ABRAXAS2: variants seen among roughly 807,000 people sequenced by gnomAD.
ABRAXAS2 encodes abraxas 2, BRISC complex subunit.
ABRAXAS2 carries 23 observed loss-of-function variants against 49.0 expected under a neutral mutation model. The observed-to-expected ratio is 0.47, with a 90% CI of 0.34 to 0.66. ABRAXAS2 has a LOEUF of 0.66. Ranked by LOEUF, ABRAXAS2 falls within the 30% of genes least tolerant of loss-of-function variation. The pLI is 0.01. For synonymous variants in ABRAXAS2, 168 were observed against 180.2 expected (o/e 0.93, Z 0.54); for missense variants, 443 against 511.9 (o/e 0.87, Z 1.30).
At position 124,805,633 on chromosome 10, in the gene ABRAXAS2, T is replaced by C. The variant is rs867082107; in HGVS notation, c.73-1198T>C. On this transcript the variant is annotated intron_variant, in intron 1 of 8. Transcript: ENST00000298492. ...AAGGGATAATAAATGTATTTATTTA[T>C]AAATATGTAATATGATGGATAGTGA... 2.0e-5 allele frequency among the ~76,000 whole-genome samples: 3 copies of C among 152,174 alleles called. No homozygotes were observed. In the South Asian group the frequency reaches 6.2e-4, roughly 31 times the overall value.
rs759457870 is a variant in ABRAXAS2, at chr10:124,834,751, CT to C, written c.1030del (p.Ser344ProfsTer6). ...RPQAVGSSNYASTSAGLKYPG... is the reference protein window; with the variant it reads ...RPQAVGSSNYXSTSAGLKYPG... ...CAAGCTGTGGGCTCTTCCAATTATG[CT>C]TCCACCAGTGCCGGACTGAAGTATC... On this transcript the variant is annotated frameshift_variant, in exon 9 of 9. Coordinates refer to ENST00000298492, the MANE Select transcript of ABRAXAS2 (RefSeq NM_032182.4). LOFTEE classifies it high-confidence loss of function. The C allele has an allele frequency of 6.2e-7, 1 of 1,614,130 alleles. No individual in the cohort carries two copies. The highest frequency in any genetic ancestry group is 1.7e-5 in the Admixed American group (1 of 60,014).
rs1950706702 is a variant in ABRAXAS2, at chr10:124,801,845, T to G, written c.16T>G (p.Ser6Ala). 1.9e-6 allele frequency: 3 copies of G among 1,613,218 alleles called. No individual in the cohort carries two copies. Among genetic ancestry groups the G allele is most frequent in the Middle Eastern group, 1.6e-4 (1 of 6,080 alleles). The change falls in exon 1 of 9, where the codon TCG becomes GCG. Residue 6 changes from serine to alanine, a missense_variant. Ser to Ala is a moderately conservative substitution (Grantham distance 99). This residue lies in a region of ABRAXAS2 where 47 missense variants were observed against 27.6 expected (regional missense o/e 1.70). Transcript: ENST00000298492. ...GATTTCCATCATGGCGGCGTCCATT[T>G]CGGGCTACACCTTCAGTGCTGTGTG... MAASI[S>A]GYTFSAVCFH...
intron 3 of ABRAXAS2, among the ~76,000 whole-genome samples, chr10:124,818,942 G>T (rs999798257): frequency 1.3e-5 from 2 of 152,210 alleles, no homozygotes; most frequent in Non-Finnish European, 2.9e-5. Flanking sequence ...TCCCAGCACT[G>T]AGGCAAGAAT....
intron 4 of ABRAXAS2, among the ~76,000 whole-genome samples, chr10:124,824,943 T>C (rs150069519): frequency 5.3e-5 from 8 of 152,182 alleles, no homozygotes; most frequent in Non-Finnish European, 8.8e-5. Context: ...TGTTGCCCAG[T>C]GGAAACAGGC....
At chr10:124,805,079 C>G (rs1950731907) in intron 1 of ABRAXAS2, among the ~76,000 whole-genome samples, 1 of 152,040 alleles carries the variant, frequency 6.6e-6, no homozygotes, top group Admixed American at 6.6e-5. Context: ...TCCCCCTCCT[C>G]AAATCAAATA....
At position 124,807,588 on chromosome 10, in the gene ABRAXAS2, G is replaced by A. The variant is rs1807952; in HGVS notation, c.163+667G>A. On this transcript the variant is annotated intron_variant, in intron 2 of 8. Coordinates refer to ENST00000298492, the MANE Select transcript of ABRAXAS2 (RefSeq NM_032182.4). ...GAATCGCCTGAACCCGGGAGGCGGA[G>A]GTTGCAGTGAGCCAAGATCTTGTCT... 7.3e-3 allele frequency among the ~76,000 whole-genome samples: 1,111 copies of A among 152,302 alleles called. 17 individuals are homozygous for A. The highest frequency in any genetic ancestry group is 0.025 in the African/African-American group (1,058 of 41,560).
At chr10:124,812,868 T>G (rs1950799180) in intron 2 of ABRAXAS2, among the ~76,000 whole-genome samples, 1 of 152,160 alleles carries the variant, frequency 6.6e-6, no homozygotes, top group Admixed American at 6.6e-5. Flanking sequence ...CACAGACACC[T>G]TTCCATTACT....
intron 4 of ABRAXAS2, among the ~76,000 whole-genome samples, chr10:124,822,633 A>T (rs1016161388): frequency 6.6e-6 from 1 of 152,126 alleles, no homozygotes; most frequent in Non-Finnish European, 1.5e-5. Flanking sequence ...TCTCTACAAA[A>T]ATACAAAAAT....
intron 2 of ABRAXAS2, among the ~76,000 whole-genome samples, chr10:124,814,096 G>A (rs1408380339): frequency 8.6e-5 from 13 of 151,214 alleles, no homozygotes; most frequent in Non-Finnish European, 1.9e-4. Flanking sequence ...GTTTCAAGCG[G>A]TTCTCCTGCC....
intron 3 of ABRAXAS2, among the ~76,000 whole-genome samples, chr10:124,817,765 C>T (rs1950834747): frequency 6.6e-6 from 1 of 152,158 alleles, no homozygotes; most frequent in African/African-American, 2.4e-5. Context: ...TCCACCCGCA[C>T]CTATTGATTG....
chr10:124,811,837 G>A (rs946021061), intron 2 of ABRAXAS2, among the ~76,000 whole-genome samples: 1 of 152,094 alleles, frequency 6.6e-6, no homozygotes, highest in Non-Finnish European at 1.5e-5. Context: ...ATGCAATGGC[G>A]CACAATCTTG....
At chr10:124,822,170 G>GA (rs1353022322) in intron 4 of ABRAXAS2, among the ~76,000 whole-genome samples, 1 of 152,220 alleles carries the variant, frequency 6.6e-6, no homozygotes, top group Non-Finnish European at 1.5e-5. Context: ...GGGGAACAGT[G>GA]AAATCAGTTC....
chr10:124,805,294 A>C (rs1214003237), intron 1 of ABRAXAS2, among the ~76,000 whole-genome samples: 1 of 150,734 alleles, frequency 6.6e-6, no homozygotes, highest in African/African-American at 2.5e-5. Flanking sequence ...AGATTGCGCC[A>C]CTGCAGTCCG....
chr10:124,833,353 T>A (rs896604689), intron 8 of ABRAXAS2, among the ~76,000 whole-genome samples: 2 of 149,890 alleles, frequency 1.3e-5, no homozygotes, highest in Non-Finnish European at 3.0e-5. Flanking sequence ...TAGTCCCAGC[T>A]TCTTGGGAGG....
At chr10:124,802,243 C>T (rs1253269849) in intron 1 of ABRAXAS2, among the ~76,000 whole-genome samples, 4 of 152,154 alleles carry the variant, frequency 2.6e-5, no homozygotes, top group African/African-American at 9.6e-5. Context: ...GGCTTCTAGA[C>T]TTAAGAGGGG....
intron 2 of ABRAXAS2, among the ~76,000 whole-genome samples, chr10:124,807,554 G>A (rs530384327): frequency 1.4e-4 from 21 of 152,154 alleles, no homozygotes; most frequent in African/African-American, 4.3e-4. Context: ...TCAGGATGCT[G>A]AGGCAGGAGA....
intron 2 of ABRAXAS2, among the ~76,000 whole-genome samples, chr10:124,812,260 C>A (rs543807093): frequency 6.6e-6 from 1 of 152,044 alleles, no homozygotes; most frequent in Non-Finnish European, 1.5e-5. Flanking sequence ...AACTTATTAG[C>A]GATGTTCAGT....
intron 2 of ABRAXAS2, 117 bp downstream of exon 2, chr10:124,807,038 C>A: frequency 1.3e-6 from 1 of 774,818 alleles, no homozygotes; most frequent in East Asian, 3.0e-5. Context: ...GTATGCCAGG[C>A]GCGGTGGCTC....
chr10:124,833,150 AAAAAAAAAAG>A (rs1169653747), intron 8 of ABRAXAS2, among the ~76,000 whole-genome samples: 4 of 148,556 alleles, frequency 2.7e-5, no homozygotes, highest in South Asian at 4.3e-4. Context: ...TGTCTCAAAA[AAAAAAAAAAG>A]AAAGAAAGAA....
Sources: gnomAD v4.1 joint callset for allele counts (sites outside exome capture counted in the v4.1 genomes callset) on GRCh38, gnomAD v4.1.1 for gene constraint, gnomAD v4.1.1 regional missense constraint, MANE v1.5 for transcripts, NCBI Gene and HGNC (gene_info 2026-07-23, HGNC 2026-07-21) for gene names.